The following PDE3B variants were observed in gnomAD, a reference collection of about 807,000 sequenced individuals.
PDE3B encodes the protein phosphodiesterase 3B.
PDE3B carries 66 observed loss-of-function variants against 116.8 expected under a neutral mutation model. That is an observed-to-expected ratio of 0.56 (90% CI 0.46 to 0.69). PDE3B has a LOEUF of 0.69. Ranked by LOEUF, PDE3B falls within the 30% of genes least tolerant of loss-of-function variation. The pLI is 0.00. For synonymous variants in PDE3B, 595 were observed against 533.6 expected, an observed-to-expected ratio of 1.12 and a Z score of -1.59; for missense variants, 1,384 against 1,368.1, an observed-to-expected ratio of 1.01 and a Z score of -0.18.
In PDE3B at chr11:14,870,999, G is replaced by T. The variant is rs1848132028; in HGVS notation, c.*1339G>T. On this transcript the variant is annotated 3_prime_UTR_variant, in exon 16 of 16. Coordinates refer to ENST00000282096, the MANE Select transcript of PDE3B (RefSeq NM_000922.4). The surrounding 1 kb of genome is among the most constrained non-coding windows in gnomAD (Gnocchi z 4.1). The stretch of plus-strand genomic sequence containing the variant: ...TGAAGATATAAAGAGCAGCCAAAAT[G>T]ATGGCAAAATGGTAGGCTAATATTT... 6.6e-6 allele frequency: 1 copy of T among 152,160 alleles called. No homozygotes were observed. Among genetic ancestry groups the T allele is most frequent in the African/African-American group, 2.4e-5 (1 of 41,458 alleles). 9.4% of individuals were successfully genotyped at this position (152,160 alleles called of 1,614,324 possible).
intron 1 of PDE3B, among the ~76,000 whole-genome samples, chr11:14,737,049 A>C (rs1388924785): frequency 6.6e-6 from 1 of 152,216 alleles, no homozygotes; most frequent in African/African-American, 2.4e-5. Flanking sequence ...TATCTTTAAA[A>C]TGAAAATAAA....
At chr11:14,645,812 G>C (rs575183993) in intron 1 of PDE3B, among the ~76,000 whole-genome samples, 32 of 151,776 alleles carry the variant, frequency 2.1e-4, no homozygotes, top group Admixed American at 1.9e-3. Context: ...TAGCAAATGA[G>C]TTTACATCTT....
chr11:14,646,116 G>C lies in PDE3B; in HGVS notation c.978+1063G>C, dbSNP rs530464539. ...TGGTAAGTATAGTGGTTTTAAGTAGGAGAGTAAGAGCGTACACCCTAGGTT... is the reference window on the plus strand; with the variant it reads ...TGGTAAGTATAGTGGTTTTAAGTAGCAGAGTAAGAGCGTACACCCTAGGTT... On this transcript the variant is annotated intron_variant, in intron 1 of 15. Transcript: ENST00000282096. Among the ~76,000 whole-genome samples, 23 of 152,264 alleles carry C rather than the reference G, an allele frequency of 1.5e-4. No individual in the cohort carries two copies. The Middle Eastern group carries it at 0.01, about 68-fold the overall frequency.
At chr11:14,839,204 T>G (rs559810648) in intron 11 of PDE3B, among the ~76,000 whole-genome samples, 1 of 152,350 alleles carries the variant, frequency 6.6e-6, no homozygotes, top group African/African-American at 2.4e-5. Context: ...ATGTATAGTT[T>G]GAGTAAACAT....
At chr11:14,853,639 T>C (rs1555005640) in intron 12 of PDE3B, among the ~76,000 whole-genome samples, 1 of 152,224 alleles carries the variant, frequency 6.6e-6, no homozygotes, top group African/African-American at 2.4e-5. Context: ...TTCAGTGTAA[T>C]ATAGACAGTA....
the PDE3B span, chr11:14,891,090 C>G: frequency 4.1e-6 from 4 of 985,410 alleles, no homozygotes; most frequent in Non-Finnish European, 4.8e-6. Flanking sequence ...CAAAACAAAA[C>G]AGGTGAGCTC....
chr11:14,878,010 T>C, the PDE3B span: 10 of 1,116,804 alleles, frequency 9.0e-6, no homozygotes, highest in African/African-American at 1.6e-4. Context: ...CTGTGTTCAT[T>C]TGGCTTTTTG....
At chr11:14,819,055 T>G in intron 6 of PDE3B, 81 bp from the exon 7 acceptor site, 2 of 838,796 alleles carry the variant, frequency 2.4e-6, no homozygotes, top group Admixed American at 4.0e-5. Context: ...TGGTTAAAAA[T>G]TAAACAGATT....
At position 14,643,994 on chromosome 11, in the gene PDE3B, G is replaced by C; in HGVS notation, c.-82G>C. The C allele has an allele frequency of 1.5e-6, 2 of 1,377,136 alleles. No individual in the cohort carries two copies. The highest frequency in any genetic ancestry group is 1.9e-6 in the Non-Finnish European group (2 of 1,073,362). 85.3% of individuals were successfully genotyped at this position (1,377,136 alleles called of 1,614,324 possible). On this transcript the variant is annotated 5_prime_UTR_variant, in exon 1 of 16. Coordinates refer to ENST00000282096, the MANE Select transcript of PDE3B (RefSeq NM_000922.4). The stretch of plus-strand genomic sequence containing the variant: ...CGAACCAGGGGGCGCCCCGAACGCG[G>C]GGGTTGGGGTCTGGGAGCGCGAGCG...
chr11:14,880,028 C>A, the PDE3B span: 1 of 1,046,274 alleles, frequency 9.6e-7, no homozygotes, highest in Non-Finnish European at 1.4e-6. Flanking sequence ...ACTTGGCTGG[C>A]ATCGCAGGAG....
At chr11:14,659,784 T>A (rs557446805) in intron 1 of PDE3B, among the ~76,000 whole-genome samples, 1 of 152,368 alleles carries the variant, frequency 6.6e-6, no homozygotes, top group East Asian at 1.9e-4. Context: ...CAAACACATT[T>A]TTGCTGTGAC....
intron 1 of PDE3B, chr11:14,673,623 T>C (rs1480468548): frequency 3.1e-6 from 2 of 650,950 alleles, no homozygotes; most frequent in Admixed American, 1.8e-5. Flanking sequence ...AGCCACTTCA[T>C]AATCTCTGGC....
At chr11:14,880,461 T>C in the PDE3B span, 1 of 1,613,470 alleles carries the variant, frequency 6.2e-7, no homozygotes, top group Non-Finnish European at 8.5e-7. Context: ...ACAAGAAGAC[T>C]GAGGCACTGG....
At position 14,644,085 on chromosome 11, in the gene PDE3B, G is replaced by T. The variant is rs1174592623; in HGVS notation, c.10G>T (p.Asp4Tyr). ...ACCCCCGGCCCCAGCCATGAGGAGG[G>T]ACGAGCGAGACGCCAAAGCCATGCG... Reference protein sequence around the residue: MRRDERDAKAMRSL... With the variant: MRRYERDAKAMRSL... The change falls in exon 1 of 16, where the codon GAC becomes TAC. Residue 4 changes from aspartate (D) to tyrosine (Y), a missense_variant. Physicochemically the swap from Asp to Tyr is radical, Grantham distance 160. This residue lies in a region of PDE3B where 956 missense variants were observed against 806.8 expected (regional missense o/e 1.18). Coordinates refer to ENST00000282096, the MANE Select transcript of PDE3B (RefSeq NM_000922.4). 2 of 1,548,330 alleles carry T rather than the reference G, an allele frequency of 1.3e-6. No homozygotes were observed. The highest frequency in any genetic ancestry group is 2.8e-5 in the African/African-American group (2 of 71,920).
intron 1 of PDE3B, among the ~76,000 whole-genome samples, chr11:14,712,834 A>C (rs1855750176): frequency 1.3e-5 from 2 of 152,180 alleles, no homozygotes; most frequent in African/African-American, 4.8e-5. Context: ...TTTTCTTTGC[A>C]AGCAATTGTA....
At chr11:14,805,006 G>A (rs1858877879) in intron 5 of PDE3B, among the ~76,000 whole-genome samples, 1 of 152,024 alleles carries the variant, frequency 6.6e-6, no homozygotes, top group Non-Finnish European at 1.5e-5. Context: ...ATAAATAACA[G>A]AACAAAGTTT....
intron 1 of PDE3B, among the ~76,000 whole-genome samples, chr11:14,770,950 G>C (rs1182937859): frequency 6.6e-6 from 1 of 151,118 alleles, no homozygotes; most frequent in African/African-American, 2.4e-5. Flanking sequence ...AATTTTTTTT[G>C]CATTTTAAAG....
chr11:14,863,033 C>G (rs1238276064), intron 14 of PDE3B, among the ~76,000 whole-genome samples: 2 of 152,088 alleles, frequency 1.3e-5, no homozygotes, highest in East Asian at 1.9e-4. Context: ...TATCCCTCCT[C>G]TAGCCCCCTA....
intron 13 of PDE3B, 149 bp downstream of exon 13, chr11:14,859,395 T>G (rs1480242605): frequency 4.1e-6 from 2 of 491,786 alleles, no homozygotes; most frequent in African/African-American, 4.0e-5. Flanking sequence ...GCCTATATTT[T>G]TAAAAATAAA....
Sources: allele counts gnomAD v4.1 joint callset (sites outside exome capture counted in the v4.1 genomes callset), GRCh38; gene constraint gnomAD v4.1.1; regional missense constraint gnomAD v4.1.1; non-coding constraint Gnocchi (gnomAD v3.1); transcripts MANE v1.5; gene names NCBI Gene and HGNC (gene_info 2026-07-23, HGNC 2026-07-21).